The following GLYATL2 variants were observed in gnomAD, a reference collection of about 807,000 sequenced individuals.
GLYATL2 encodes the protein glycine-N-acyltransferase like 2.
GLYATL2 carries 25 observed loss-of-function variants against 21.4 expected under a neutral mutation model. The observed-to-expected ratio is 1.17, with a 90% CI of 0.85 to 1.63. The LOEUF is 1.63. GLYATL2 is among the 40% of genes most tolerant of loss of function. The probability of loss-of-function intolerance (pLI) is 0.00; values close to 1 mark genes in which losing one functional copy is unlikely to be tolerated. For synonymous variants in GLYATL2, 114 were observed against 118.2 expected, an observed-to-expected ratio of 0.96 and a Z score of 0.23; for missense variants, 361 against 343.3, an observed-to-expected ratio of 1.05 and a Z score of -0.41.
At chr11:58,891,265 T>A (rs771935459) in intron 1 of GLYATL2, among the ~76,000 whole-genome samples, 3 of 152,198 alleles carry the variant, frequency 2.0e-5, no homozygotes, top group Non-Finnish European at 4.4e-5. Context: ...TTGTTTATAT[T>A]TCCCCTGAGA....
intron 1 of GLYATL2, among the ~76,000 whole-genome samples, chr11:58,888,353 T>G (rs1165663444): frequency 6.6e-6 from 1 of 152,008 alleles, no homozygotes. Flanking sequence ...TCCTCTGAGT[T>G]TTTGTTTTTT....
intron 1 of GLYATL2, among the ~76,000 whole-genome samples, chr11:58,851,572 AAAC>A (rs1210490155): frequency 2.6e-5 from 4 of 151,980 alleles, no homozygotes; most frequent in African/African-American, 9.6e-5. Context: ...AGAATTAAAA[AAAC>A]AAAAAAGATA....
chr11:58,854,919 T>C (rs1415843888), intron 1 of GLYATL2, among the ~76,000 whole-genome samples: 7 of 152,232 alleles, frequency 4.6e-5, no homozygotes, highest in Non-Finnish European at 8.8e-5. Context: ...CCATTCAGGT[T>C]TTATCATGAG....
At chr11:58,896,953 TC>T (rs767151032) in intron 1 of GLYATL2, among the ~76,000 whole-genome samples, 1 of 152,160 alleles carries the variant, frequency 6.6e-6, no homozygotes, top group African/African-American at 2.4e-5. Context: ...TTCTGCCAGT[TC>T]CCTCATATTT....
intron 1 of GLYATL2, among the ~76,000 whole-genome samples, chr11:58,890,371 T>C (rs886956111): frequency 6.6e-6 from 1 of 152,134 alleles, no homozygotes; most frequent in African/African-American, 2.4e-5. Flanking sequence ...CATCCTGTTG[T>C]ATGTTCATTG....
chr11:58,899,441 T>C (rs1281270446), intron 1 of GLYATL2, among the ~76,000 whole-genome samples: 2 of 152,164 alleles, frequency 1.3e-5, no homozygotes, highest in Non-Finnish European at 2.9e-5. Context: ...ACATATTTCC[T>C]ATAAACTCAG....
chr11:58,838,520 C>G (rs2134571450), intron 2 of GLYATL2, 152 bp from the exon 3 acceptor site: 3 of 507,242 alleles, frequency 5.9e-6, no homozygotes, highest in Non-Finnish European at 1.1e-5. Context: ...GCTCATTGGG[C>G]TACTCATTGA....
At chr11:58,858,339 T>C (rs1853868791) in intron 1 of GLYATL2, among the ~76,000 whole-genome samples, 1 of 152,200 alleles carries the variant, frequency 6.6e-6, no homozygotes, top group Admixed American at 6.5e-5. Context: ...CCATTCCCAA[T>C]GGTCTCACTC....
rs745698107 is a variant in GLYATL2 at position 58,834,460 on chromosome 11, T to C, written c.854A>G (p.Gln285Arg). The change falls in exon 6 of 6, where the codon CAG becomes CGG. Residue 285 changes from glutamine (Q) to arginine (R), a missense_variant. By Grantham distance (43) the Gln-to-Arg change is conservative. Transcript: ENST00000287275. ...ATATTTCTTGGGGGTGCATTTCCAC[T>C]GATGCCAGCCACAAGGACAAATCTT... The part of the protein sequence containing the change: ...GFKICPCGWH[Q>R]WKCTPKKYC The C allele has an allele frequency of 1.9e-5, 31 of 1,602,948 alleles. No individual in the cohort carries two copies. The highest frequency in any genetic ancestry group is 8.6e-5 in the Admixed American group (5 of 58,084).
Position 58,879,851 on chromosome 11 carries a change from CTT to C in GLYATL2, n.60+24303_60+24304del, listed in dbSNP as rs1176885423. ...TACTTTACAACAATTTCTTTTTTTC[CTT>C]GTTTTTTTTTTTTTTTTTCTTTGGA... On this transcript the variant is annotated intron_variant and non_coding_transcript_variant, in intron 1 of 4. Transcript: ENST00000533636. 6.1e-5 allele frequency among the ~76,000 whole-genome samples: 6 copies of C among 98,818 alleles called. No homozygotes were observed. The Admixed American group carries it at 9.6e-4, about 16-fold the overall frequency. 64.8% of individuals were successfully genotyped at this position (98,818 alleles called of 152,430 possible).
chr11:58,898,911 A>T (rs1171590313), intron 1 of GLYATL2, among the ~76,000 whole-genome samples: 1 of 152,240 alleles, frequency 6.6e-6, no homozygotes, highest in Non-Finnish European at 1.5e-5. Flanking sequence ...GAAGACTTTC[A>T]AAACCACAAA....
At chr11:58,871,102 AG>A (rs1029958021) in intron 1 of GLYATL2, among the ~76,000 whole-genome samples, 1 of 152,224 alleles carries the variant, frequency 6.6e-6, no homozygotes, top group African/African-American at 2.4e-5. Flanking sequence ...ATGGGTGGAG[AG>A]GGTGGATAAG....
intron 1 of GLYATL2, among the ~76,000 whole-genome samples, chr11:58,898,782 G>A (rs1480501953): frequency 2.0e-5 from 3 of 151,932 alleles, no homozygotes; most frequent in Non-Finnish European, 1.5e-5. Context: ...GCAGTGAGCC[G>A]AGATCGCGCC....
At chr11:58,895,506 C>G (rs1854619333) in intron 1 of GLYATL2, among the ~76,000 whole-genome samples, 1 of 152,168 alleles carries the variant, frequency 6.6e-6, no homozygotes, top group Non-Finnish European at 1.5e-5. Flanking sequence ...TCTCATTCCT[C>G]TTTTCTCAGC....
chr11:58,905,686 G>T (rs1248443861), upstream of GLYATL2: 2 of 452,638 alleles, frequency 4.4e-6, no homozygotes, highest in African/African-American at 2.0e-5. Flanking sequence ...GCTGTGGACC[G>T]AGTGGTTCGG....
chr11:58,875,000 T>TA (rs1453041138), intron 1 of GLYATL2, among the ~76,000 whole-genome samples: 1 of 152,238 alleles, frequency 6.6e-6, no homozygotes, highest in Non-Finnish European at 1.5e-5. Context: ...ATATTTAGGA[T>TA]AGTTAGTTCT....
At chr11:58,860,005 T>C (rs1422534378) in intron 1 of GLYATL2, among the ~76,000 whole-genome samples, 1 of 152,226 alleles carries the variant, frequency 6.6e-6, no homozygotes, top group Non-Finnish European at 1.5e-5. Context: ...TACCATCCTG[T>C]TTTCATTACT....
At chr11:58,890,971 A>G (rs1854533753) in intron 1 of GLYATL2, among the ~76,000 whole-genome samples, 1 of 151,746 alleles carries the variant, frequency 6.6e-6, no homozygotes, top group Admixed American at 6.6e-5. Context: ...AAATAGCTCC[A>G]TTTGTTTTTT....
chr11:58,838,247 A>G lies in GLYATL2; in HGVS notation c.186+14T>C, dbSNP rs1473165890. 3.2e-6 allele frequency: 5 copies of G among 1,553,922 alleles called. No individual in the cohort carries two copies. The East Asian group carries it at 1.1e-4, about 35-fold the overall frequency. On this transcript the variant is annotated intron_variant, in intron 3 of 5. Transcript: ENST00000287275. ...AGAGTGACTACCCTCATATTCAGTA[A>G]CTATTGCTCCTACCTGTTTCTGAGG...
Sources: allele counts gnomAD v4.1 joint callset (sites outside exome capture counted in the v4.1 genomes callset), GRCh38; gene constraint gnomAD v4.1.1; transcripts MANE v1.5; gene names NCBI Gene and HGNC (gene_info 2026-07-23, HGNC 2026-07-21).